Variants in SENP1 observed in about 807,000 individuals in gnomAD.
The protein encoded by SENP1 is SUMO specific peptidase 1, also known as sentrin-specific protease 1.
In SENP1, 21 loss-of-function variants were observed where a neutral mutation model predicts 93.0. The observed-to-expected ratio is 0.23, with a 90% CI of 0.16 to 0.33. The LOEUF (loss-of-function observed/expected upper bound fraction) is 0.33, where lower values mean the gene tolerates loss of function less well. SENP1 is among the 10% of genes least tolerant of loss of function. The pLI, the probability that SENP1 is intolerant of heterozygous loss-of-function variation, is 1.00. For missense variants in SENP1, 591 were observed against 758.7 expected (o/e 0.78, Z 2.60); for synonymous variants, 256 against 259.6 (o/e 0.99, Z 0.13).
chr12:48,088,898 T>G lies in SENP1; in HGVS notation c.283A>C (p.Asn95His). The change falls in exon 5 of 18, where the codon AAT (asparagine) becomes CAT (histidine). Residue 95 changes from asparagine to histidine, a missense_variant. Physicochemically the swap from Asn to His is moderately conservative, Grantham distance 68. This residue lies in a region of SENP1 where 214 missense variants were observed against 243.4 expected (regional missense o/e 0.88). Coordinates refer to ENST00000549518, the MANE Select transcript of SENP1 (RefSeq NM_001267594.2). ...GDLRTFGQSA[N>H]GQWRNSTPSS... is the part of the protein sequence containing the mutation. ...GGGGTAGAATTTCTCCATTGGCCAT[T>G]TGCACTCTGGCCAAAGGTTCTTAAA... 1 of 1,601,244 alleles carries G rather than the reference T, an allele frequency of 6.2e-7. No homozygotes were observed. Among genetic ancestry groups the G allele is most frequent in the Non-Finnish European group, 8.5e-7 (1 of 1,173,136 alleles).
chr12:48,047,969 T>C, intron 15 of SENP1, 32 bp downstream of exon 15: 2 of 1,448,552 alleles, frequency 1.4e-6, no homozygotes, highest in South Asian at 2.3e-5. Context: ...ATACCCGATA[T>C]CAAACTCTTC....
intron 1 of SENP1, chr12:48,105,348 G>T (rs2408955): frequency 0.57 from 295,761 of 517,038 alleles, 87,565 homozygotes; most frequent in East Asian, 0.99. Flanking sequence ...ACGAGGCATA[G>T]ATCCAGAGAT....
At chr12:48,089,242 A>G in intron 4 of SENP1, 3 of 1,430,974 alleles carry the variant, frequency 2.1e-6, no homozygotes, top group Non-Finnish European at 2.8e-6. Context: ...GTGTCCACCA[A>G]AAGTCAACAT....
chr12:48,049,158 G>A, intron 13 of SENP1, 26 bp from the exon 14 acceptor site: 1 of 1,559,132 alleles, frequency 6.4e-7, no homozygotes, highest in Non-Finnish European at 8.8e-7. Flanking sequence ...ACACCTATTA[G>A]AATAGACACT....
At chr12:48,060,473 T>C (rs1390438062) in intron 13 of SENP1, among the ~76,000 whole-genome samples, 4 of 152,182 alleles carry the variant, frequency 2.6e-5, no homozygotes, top group Admixed American at 1.3e-4. Flanking sequence ...CTCCAGGAAT[T>C]AATACATAGT....
chr12:48,089,013 T>C, intron 4 of SENP1, 53 bp from the exon 5 acceptor site: 1 of 1,563,378 alleles, frequency 6.4e-7, no homozygotes, highest in African/African-American at 1.4e-5. Context: ...GTGGTTCTCC[T>C]TATGACTGCA....
At chr12:48,055,063 G>T in intron 13 of SENP1, 2 of 221,824 alleles carry the variant, frequency 9.0e-6, no homozygotes, top group East Asian at 1.1e-4. Context: ...ACAATGTTTA[G>T]GTGCTTCATT....
At chr12:48,058,281 TA>T (rs1942721552) in intron 13 of SENP1, among the ~76,000 whole-genome samples, 1 of 152,176 alleles carries the variant, frequency 6.6e-6, no homozygotes, top group African/African-American at 2.4e-5. Context: ...TTAGACAATT[TA>T]AAATATGTGG....
chr12:48,070,084 A>G (rs922667266), intron 9 of SENP1, among the ~76,000 whole-genome samples: 2 of 152,254 alleles, frequency 1.3e-5, no homozygotes, highest in Non-Finnish European at 2.9e-5. Flanking sequence ...CCAGATAAGT[A>G]AAGTTTCATG....
At chr12:48,077,056 A>G (rs530493595) in intron 6 of SENP1, among the ~76,000 whole-genome samples, 5 of 152,324 alleles carry the variant, frequency 3.3e-5, no homozygotes, top group African/African-American at 1.2e-4. Flanking sequence ...GCTCCCACTT[A>G]TAAGTGAGAA....
Position 48,045,198 on chromosome 12 carries a change from C to G in SENP1, c.*124G>C. 1 of 731,790 alleles carries G rather than the reference C, an allele frequency of 1.4e-6. No homozygotes were observed. Among genetic ancestry groups the G allele is most frequent in the Admixed American group, 2.2e-5 (1 of 45,390 alleles). 45.3% of individuals were successfully genotyped at this position (731,790 alleles called of 1,614,324 possible). On this transcript the variant is annotated 3_prime_UTR_variant, in exon 18 of 18. Coordinates refer to ENST00000549518, the MANE Select transcript of SENP1 (RefSeq NM_001267594.2). ...GCTTGTGAATGCATCTCGCCAGGGC[C>G]TGGTCCAGGATCAAGGGTGTTACAA...
Position 48,060,860 on chromosome 12 carries a change from C to T in SENP1, c.1407+2850G>A, listed in dbSNP as rs150683326. ...CCCATCTACGGTGTCTTGATTGTAA[C>T]AGTCTTCTTGCCTCCTTTTGTATTC... On this transcript the variant is annotated intron_variant, in intron 13 of 17. Transcript: ENST00000549518. Among the ~76,000 whole-genome samples, 512 of 152,316 alleles carry T rather than the reference C, an allele frequency of 3.4e-3. 1 individual carries two copies. Among genetic ancestry groups the T allele is most frequent in the Non-Finnish European group, 4.5e-3 (303 of 68,016 alleles).
At chr12:48,090,265 CAGT>C (rs1179382935) in intron 4 of SENP1, among the ~76,000 whole-genome samples, 28 of 152,180 alleles carry the variant, frequency 1.8e-4, no homozygotes, top group African/African-American at 6.0e-4. Flanking sequence ...AAAGTTGTAA[CAGT>C]AGAAATATTT....
chr12:48,078,284 A>C (rs1944238267), intron 6 of SENP1, among the ~76,000 whole-genome samples: 1 of 110,990 alleles, frequency 9.0e-6, no homozygotes, highest in African/African-American at 3.2e-5. Context: ...TACTGTATTC[A>C]TTTAATAGTT....
chr12:48,103,046 G>A (rs913269825), intron 1 of SENP1, among the ~76,000 whole-genome samples: 1 of 152,014 alleles, frequency 6.6e-6, no homozygotes, highest in African/African-American at 2.4e-5. Context: ...CAGATTAAGG[G>A]GGAAAAAATC....
chr12:48,100,668 G>A (rs1945863719), intron 2 of SENP1, among the ~76,000 whole-genome samples: 1 of 151,818 alleles, frequency 6.6e-6, no homozygotes, highest in Admixed American at 6.6e-5. Flanking sequence ...AAAAGAACGA[G>A]AACTCTAGAA....
At chr12:48,057,540 A>T (rs1226927988) in intron 13 of SENP1, among the ~76,000 whole-genome samples, 1 of 144,038 alleles carries the variant, frequency 6.9e-6, no homozygotes, top group African/African-American at 2.5e-5. Context: ...TGTATTATAT[A>T]TATTTTTATG....
intron 13 of SENP1, 27 bp from the exon 14 acceptor site, chr12:48,049,159 A>G: frequency 6.4e-7 from 1 of 1,559,030 alleles, no homozygotes; most frequent in Non-Finnish European, 8.8e-7. Flanking sequence ...CACCTATTAG[A>G]ATAGACACTC....
At chr12:48,101,595 G>A (rs1250072944) in intron 1 of SENP1, 79 bp from the exon 2 acceptor site, 2 of 725,310 alleles carry the variant, frequency 2.8e-6, no homozygotes, top group Non-Finnish European at 2.3e-6. Context: ...GCAGCCACTA[G>A]AAGTGACATT....
Sources: gnomAD v4.1 joint callset for allele counts (sites outside exome capture counted in the v4.1 genomes callset) on GRCh38, gnomAD v4.1.1 for gene constraint, gnomAD v4.1.1 regional missense constraint, MANE v1.5 for transcripts, NCBI Gene and HGNC (gene_info 2026-07-23, HGNC 2026-07-21) for gene names.